The following POLR3A variants were observed in gnomAD, a reference collection of about 807,000 sequenced individuals.
POLR3A encodes RNA polymerase III subunit A.
POLR3A carries 112 observed loss-of-function variants against 152.8 expected under a neutral mutation model. The ratio of observed to expected loss-of-function variants is 0.73; its 90% CI spans 0.63 to 0.86. POLR3A has a LOEUF of 0.86. Ranked by LOEUF, POLR3A falls within the 40% of genes least tolerant of loss-of-function variation. POLR3A has a pLI of 0.00. For synonymous variants in POLR3A, 615 were observed against 652.1 expected (o/e 0.94, Z 0.87); for missense variants, 1,385 against 1,743.1 (o/e 0.79, Z 3.66).
At chr10:78,016,630 C>G (rs1288895740) in intron 10 of POLR3A, among the ~76,000 whole-genome samples, 1 of 151,046 alleles carries the variant, frequency 6.6e-6, no homozygotes, top group Non-Finnish European at 1.5e-5. Context: ...AGGAGACTCA[C>G]TTGAACCTGG....
rs1847128585 is a variant in POLR3A, at chr10:77,980,332, C to G, written c.3892-59G>C. ...CACACCAATGGCAAAAGCTCGAAAC[C>G]AAAGCACGGTGCACCTTCAATACAA... On this transcript the variant is annotated intron_variant, in intron 29 of 30. Transcript: ENST00000372371. 16 of 1,553,940 alleles carry G rather than the reference C, an allele frequency of 1.0e-5. No individual in the cohort carries two copies. The Middle Eastern group carries it at 1.7e-3, about 163-fold the overall frequency.
chr10:78,001,000 C>T lies in POLR3A; in HGVS notation c.2454G>A (p.Leu818=). The part of the protein sequence containing the change: ...RVPDGFENRS[L]PHFEKHSKLP... ...CCTTTGAGTGTTTTTCAAAATGAGG[C>T]AAGGACCTGTTTTCAAAGCCGTCTG... The change falls in exon 18 of 31, where the codon TTG becomes TTA. Residue 818 remains leucine, a synonymous_variant. Coordinates refer to ENST00000372371, the MANE Select transcript of POLR3A (RefSeq NM_007055.4). 6.3e-7 allele frequency: 1 copy of T among 1,599,898 alleles called. No individual in the cohort carries two copies. The highest frequency in any genetic ancestry group is 8.6e-7 in the Non-Finnish European group (1 of 1,168,390).
intron 10 of POLR3A, among the ~76,000 whole-genome samples, chr10:78,016,468 C>T (rs1348214427): frequency 6.7e-6 from 1 of 150,104 alleles, no homozygotes; most frequent in East Asian, 2.0e-4. Flanking sequence ...AATCCCAGCA[C>T]TTTGGGAGGC....
intron 15 of POLR3A, among the ~76,000 whole-genome samples, chr10:78,006,163 G>A (rs193086582): frequency 3.9e-5 from 6 of 152,036 alleles, no homozygotes; most frequent in Non-Finnish European, 7.4e-5. Flanking sequence ...TTGGGAGGCC[G>A]AGGTGGGCAG....
At chr10:78,009,789 T>TC (rs1236680087) in intron 13 of POLR3A, 75 bp downstream of exon 13, 71 of 1,607,082 alleles carry the variant, frequency 4.4e-5, no homozygotes, top group Non-Finnish European at 5.5e-5. Context: ...CCAACACGGT[T>TC]CCACTCATTT....
At chr10:77,982,402 G>A (rs2131927985) in intron 27 of POLR3A, 84 bp from the exon 28 acceptor site, 1 of 1,318,848 alleles carries the variant, frequency 7.6e-7, no homozygotes, top group African/African-American at 1.4e-5. Context: ...GCTTTCAGCA[G>A]TGGTCATCTG....
Position 77,991,073 on chromosome 10 carries a change from C to T in POLR3A, c.2882G>A (p.Cys961Tyr), listed in dbSNP as rs1238366922. 8.7e-6 allele frequency: 14 copies of T among 1,608,708 alleles called. No homozygotes were observed. The highest frequency in any genetic ancestry group is 1.2e-5 in the Non-Finnish European group (14 of 1,175,088). ...SIMKKSEFLC[C>Y]QDSFLQEIKK... The stretch of plus-strand genomic sequence containing the variant: ...GCTCACCTGCAGGAAGCTGTCCTGG[C>T]AGCAGAGGAACTCACTCTTCTTCAT... The change falls in exon 21 of 31, where the codon TGC becomes TAC. Residue 961 changes from cysteine (C) to tyrosine (Y), a missense_variant. Around this residue, in one of 7 missense-constraint regions of POLR3A, gnomAD observed 178 missense variants for 204.6 expected, o/e 0.87. Transcript: ENST00000372371.
At position 78,019,912 on chromosome 10, in the gene POLR3A, G is replaced by A. The variant is rs536651749; in HGVS notation, c.1186-647C>T. 1.6e-3 allele frequency: 244 copies of A among 152,126 alleles called. 7 individuals carry two copies. In the South Asian group the frequency reaches 0.029, roughly 18 times the overall value. 9.4% of individuals were successfully genotyped at this position (152,126 alleles called of 1,614,324 possible). A position where few individuals can be genotyped will look rare whatever the true frequency, so the allele number is the denominator to read the frequency against. On this transcript the variant is annotated intron_variant, in intron 8 of 30. Coordinates refer to ENST00000372371, the MANE Select transcript of POLR3A (RefSeq NM_007055.4). The stretch of plus-strand genomic sequence containing the variant: ...GTATGGGCTGGGCATGGTAGCTCAC[G>A]CCTGTAATCCCAGCACTTTGGGAGG...
intron 21 of POLR3A, among the ~76,000 whole-genome samples, chr10:77,989,413 T>C (rs1023786755): frequency 2.6e-5 from 4 of 152,192 alleles, no homozygotes; most frequent in African/African-American, 4.8e-5. Context: ...CCAGTGGATT[T>C]TGGACCCTCT....
In POLR3A at chr10:77,993,362, C is replaced by T. The variant is rs778885019; in HGVS notation, c.2622G>A (p.Arg874=). The change falls in exon 20 of 31, where the codon AGG becomes AGA. Residue 874 remains arginine (R), a synonymous_variant. Coordinates refer to ENST00000372371, the MANE Select transcript of POLR3A (RefSeq NM_007055.4). ...KTAETGYMQR[R]LVKSLEDLCS... ...AAAGATCTTCAAGAGATTTGACAAGCCTTCGCTAAAGGAAAAGGAGGAAAA... is the reference window on the plus strand; with the variant it reads ...AAAGATCTTCAAGAGATTTGACAAGTCTTCGCTAAAGGAAAAGGAGGAAAA... The T allele has an allele frequency of 6.2e-7, 1 of 1,613,376 alleles. No homozygotes were observed. Among genetic ancestry groups the T allele is most frequent in the Non-Finnish European group, 8.5e-7 (1 of 1,179,380 alleles).
rs1320439835 is a variant in POLR3A at position 78,000,826 on chromosome 10, A to C, written c.2478+150T>G. The C allele has an allele frequency of 4.9e-6, 3 of 609,498 alleles. No homozygotes were observed. In the African/African-American group the frequency reaches 5.5e-5, roughly 11 times the overall value. The allele number at this position is 609,498 out of a possible 1,614,324, so 37.8% of individuals were successfully genotyped here. The stretch of plus-strand genomic sequence containing the variant: ...GGCATGAGACACTGTGCCCGGCCTG[A>C]AGTGTATCTTAATAAAATGGCAAAA... On this transcript the variant is annotated intron_variant, in intron 18 of 30. Transcript: ENST00000372371.
rs779622015 is a variant in POLR3A, at chr10:77,980,124, A to G, written c.4024+17T>C. 1 of 1,612,918 alleles carries G rather than the reference A, an allele frequency of 6.2e-7. No homozygotes were observed. The highest frequency in any genetic ancestry group is 1.7e-5 in the Admixed American group (1 of 60,022). Reference sequence around the variant, plus strand: ...AGTAAAGGCCTTTGATGCTGTTCATAGAAACATCAAACCTACCACACACAG... The same window carrying G: ...AGTAAAGGCCTTTGATGCTGTTCATGGAAACATCAAACCTACCACACACAG... On this transcript the variant is annotated intron_variant, in intron 30 of 30. Transcript: ENST00000372371.
intron 10 of POLR3A, among the ~76,000 whole-genome samples, chr10:78,014,574 A>T (rs1160711868): frequency 1.3e-5 from 2 of 152,082 alleles, no homozygotes; most frequent in Non-Finnish European, 2.9e-5. Context: ...TTACTGCCAC[A>T]CCAGGCTAAT....
chr10:77,996,934 T>A (rs527437090), intron 19 of POLR3A, among the ~76,000 whole-genome samples: 3 of 152,172 alleles, frequency 2.0e-5, no homozygotes, highest in East Asian at 3.9e-4. Flanking sequence ...GCAAACCGAA[T>A]CCAGCAGCAC....
intron 27 of POLR3A, 30 bp from the exon 28 acceptor site, chr10:77,982,348 G>C (rs183094011): frequency 6.2e-7 from 1 of 1,611,508 alleles, no homozygotes. Flanking sequence ...AAGCTGTGAG[G>C]ACGGGGTGAG....
intron 1 of POLR3A, among the ~76,000 whole-genome samples, chr10:78,027,442 G>A (rs1056104211): frequency 1.3e-5 from 2 of 152,152 alleles, no homozygotes; most frequent in East Asian, 3.9e-4. Flanking sequence ...GGTGGATCAC[G>A]AGGCAAGGAG....
chr10:78,015,755 C>T (rs770731661), intron 10 of POLR3A, among the ~76,000 whole-genome samples: 1 of 152,108 alleles, frequency 6.6e-6, no homozygotes, highest in Non-Finnish European at 1.5e-5. Context: ...CTCCCAGGCC[C>T]ACGTGATCCT....
intron 26 of POLR3A, among the ~76,000 whole-genome samples, chr10:77,983,357 T>C (rs1200019282): frequency 2.0e-5 from 3 of 152,168 alleles, no homozygotes; most frequent in African/African-American, 7.2e-5. Flanking sequence ...GCTGACAGAA[T>C]GTGTTTTAAG....
chr10:77,993,097 G>A, intron 20 of POLR3A, 100 bp downstream of exon 20: 1 of 878,670 alleles, frequency 1.1e-6, no homozygotes, highest in Non-Finnish European at 2.0e-6. Context: ...TATAAATACT[G>A]AAGTATTTAT....
Sources: gnomAD v4.1 joint callset for allele counts (sites outside exome capture counted in the v4.1 genomes callset) on GRCh38, gnomAD v4.1.1 for gene constraint, gnomAD v4.1.1 regional missense constraint, MANE v1.5 for transcripts, NCBI Gene and HGNC (gene_info 2026-07-23, HGNC 2026-07-21) for gene names.